The following NAV3 variants were observed in gnomAD, a reference collection of about 807,000 sequenced individuals.
The protein encoded by NAV3 is pore membrane and/or filament interacting like protein 1.
In NAV3, 87 loss-of-function variants were observed where a neutral mutation model predicts 244.7. That is an observed-to-expected ratio of 0.36 (90% CI 0.30 to 0.42). The LOEUF is 0.42. Ranked by LOEUF, NAV3 falls within the 20% of genes least tolerant of loss-of-function variation. NAV3 has a pLI of 1.00. For synonymous variants in NAV3, 1,126 were observed against 1,042.2 expected (o/e 1.08, Z -1.55); for missense variants, 2,663 against 2,893.3 (o/e 0.92, Z 1.83).
At chr12:77,749,144 G>A (rs1467013584) in intron 2 of NAV3, among the ~76,000 whole-genome samples, 1 of 152,150 alleles carries the variant, frequency 6.6e-6, no homozygotes, top group East Asian at 1.9e-4. Context: ...GTTTTACCCA[G>A]AACTACTGGA....
At chr12:78,096,967 G>C (rs1954285826) in intron 12 of NAV3, among the ~76,000 whole-genome samples, 1 of 152,108 alleles carries the variant, frequency 6.6e-6, no homozygotes, top group Non-Finnish European at 1.5e-5. Context: ...GCCCACCTGA[G>C]GTGAGAGATG....
Position 78,114,868 on chromosome 12 carries a change from T to C in NAV3, c.2637-1904T>C, listed in dbSNP as rs192054912. On this transcript the variant is annotated intron_variant, in intron 12 of 39. Coordinates refer to ENST00000397909, the MANE Select transcript of NAV3 (RefSeq NM_001024383.2). ...TAATTGTTCTTGATAATCTGAATTA[T>C]AAATGTCATGGATAATTATGATGCA... 1.1e-4 allele frequency among the ~76,000 whole-genome samples: 16 copies of C among 152,348 alleles called. 1 individual carries two copies. In the East Asian group the frequency reaches 3.1e-3, roughly 29 times the overall value.
At chr12:78,144,734 A>G (rs1014676541) in intron 20 of NAV3, among the ~76,000 whole-genome samples, 1 of 151,728 alleles carries the variant, frequency 6.6e-6, no homozygotes, top group Non-Finnish European at 1.5e-5. Context: ...TTATTTAAAA[A>G]TACATGAATT....
intron 5 of NAV3, among the ~76,000 whole-genome samples, chr12:77,978,570 A>AT (rs1185313764): frequency 2.0e-5 from 3 of 152,142 alleles, no homozygotes; most frequent in African/African-American, 7.2e-5. Flanking sequence ...TTTATTAAAA[A>AT]TTTTCAAAAA....
chr12:77,646,447 G>A (rs1037184701), intron 2 of NAV3, among the ~76,000 whole-genome samples: 3 of 151,908 alleles, frequency 2.0e-5, no homozygotes, highest in African/African-American at 7.3e-5. Flanking sequence ...TGAAGCAGAG[G>A]TGAAGAAGGC....
chr12:78,186,690 T>TA (rs1212136554), intron 31 of NAV3, among the ~76,000 whole-genome samples: 1 of 151,868 alleles, frequency 6.6e-6, no homozygotes, highest in African/African-American at 2.4e-5. Flanking sequence ...CACTTTTTTC[T>TA]AAAAAAGCTT....
intron 3 of NAV3, among the ~76,000 whole-genome samples, chr12:77,941,600 G>A (rs140886567): frequency 2.3e-3 from 347 of 152,290 alleles, no homozygotes; most frequent in African/African-American, 7.6e-3. Context: ...TCAGTTTGGT[G>A]AGCAGTGACT....
intron 18 of NAV3, among the ~76,000 whole-genome samples, chr12:78,134,218 A>G (rs1045120343): frequency 2.0e-5 from 3 of 152,114 alleles, no homozygotes; most frequent in South Asian, 2.1e-4. Context: ...TCAACCTTCA[A>G]TCTTCTCAGA....
At chr12:77,654,858 T>G (rs1000789564) in intron 2 of NAV3, among the ~76,000 whole-genome samples, 3 of 151,180 alleles carry the variant, frequency 2.0e-5, no homozygotes, top group African/African-American at 7.4e-5. Flanking sequence ...GGGTCTGGAG[T>G]GGACCTCTAG....
At chr12:77,998,599 T>C (rs1566001777) in intron 7 of NAV3, 123 bp downstream of exon 7, 1 of 1,034,608 alleles carries the variant, frequency 9.7e-7, no homozygotes, top group Non-Finnish European at 1.3e-6. Flanking sequence ...GGAGTTTCTT[T>C]ATGTTTCCTA....
At chr12:78,152,089 C>G (rs2139284803) in intron 22 of NAV3, among the ~76,000 whole-genome samples, 1 of 151,594 alleles carries the variant, frequency 6.6e-6, no homozygotes, top group East Asian at 1.9e-4. Context: ...TTAATCCTCT[C>G]TTTAGTGTTT....
chr12:78,018,970 G>T (rs1456196000), intron 8 of NAV3, among the ~76,000 whole-genome samples: 3 of 152,078 alleles, frequency 2.0e-5, no homozygotes, highest in Non-Finnish European at 2.9e-5. Context: ...GTCAGTAGAT[G>T]GGGGATATGT....
At chr12:77,743,906 G>A (rs1284755351) in intron 2 of NAV3, among the ~76,000 whole-genome samples, 1 of 151,812 alleles carries the variant, frequency 6.6e-6, no homozygotes, top group African/African-American at 2.4e-5. Context: ...GGTAGAAACT[G>A]TAAGGAGACA....
chr12:77,965,415 T>C (rs1416457212), intron 3 of NAV3, among the ~76,000 whole-genome samples: 2 of 152,116 alleles, frequency 1.3e-5, no homozygotes, highest in Admixed American at 1.3e-4. Flanking sequence ...AGGTCAGTGG[T>C]TCGAGACCAG....
intron 2 of NAV3, among the ~76,000 whole-genome samples, chr12:77,645,086 C>T (rs1231691177): frequency 3.9e-5 from 6 of 152,060 alleles, no homozygotes; most frequent in Non-Finnish European, 7.4e-5. Context: ...GTGAAACCCA[C>T]GTCTGTTAGG....
chr12:78,168,912 T>C, intron 24 of NAV3, 46 bp downstream of exon 24: 1 of 1,231,078 alleles, frequency 8.1e-7, no homozygotes, highest in Non-Finnish European at 1.2e-6. Flanking sequence ...AATAGACATC[T>C]ATTTTATTTA....
intron 8 of NAV3, among the ~76,000 whole-genome samples, chr12:78,010,180 C>A (rs1041556832): frequency 2.0e-5 from 3 of 152,046 alleles, no homozygotes; most frequent in African/African-American, 7.2e-5. Context: ...CCTCAAAAGG[C>A]AGAGTGGTTA....
At chr12:77,591,089 A>G (rs199765702) in intron 2 of NAV3, among the ~76,000 whole-genome samples, 1 of 152,204 alleles carries the variant, frequency 6.6e-6, no homozygotes, top group East Asian at 1.9e-4. Context: ...TCAACTGGAA[A>G]ATGTTGGGAG....
chr12:77,837,716 T>C (rs2136135622), intron 1 of NAV3, among the ~76,000 whole-genome samples: 1 of 152,340 alleles, frequency 6.6e-6, no homozygotes, highest in South Asian at 2.1e-4. Flanking sequence ...GGAGGACTAC[T>C]GATTGACTTA....
Sources: allele counts gnomAD v4.1 joint callset (sites outside exome capture counted in the v4.1 genomes callset), GRCh38; gene constraint gnomAD v4.1.1; transcripts MANE v1.5; gene names NCBI Gene and HGNC (gene_info 2026-07-23, HGNC 2026-07-21).